The following ZNF469 variants were observed in gnomAD, a reference collection of about 807,000 sequenced individuals.
ZNF469 encodes zinc finger protein 469.
ZNF469 carries 1 observed loss-of-function variant against 1.0 expected under a neutral mutation model. The ratio of observed to expected loss-of-function variants is 1.00; its 90% confidence interval spans 0.35 to 4.73. ZNF469 has a LOEUF of 4.73. ZNF469 is among the 30% of genes most tolerant of loss of function. The pLI is 0.16. For missense variants in ZNF469, 6,100 were observed against 5,356.3 expected (o/e 1.14, Z -4.33); for synonymous variants, 2,703 against 2,363.4 (o/e 1.14, Z -4.17).
chr16:88,322,155 G>A, the ZNF469 span, among the ~76,000 whole-genome samples: 3 of 152,206 alleles, frequency 2.0e-5, no homozygotes, highest in African/African-American at 2.4e-5. Context: ...GACCCTCCCC[G>A]CGGCCTCGGC....
At position 88,432,763 on chromosome 16, in the gene ZNF469, C is replaced by G; in HGVS notation, c.5293C>G (p.Leu1765Val). ...CAGCTCACAAGAAAGTGAAGACTCC[C>G]TGCGGCTGCTTCCCTGTGAACAGAG... ...AASSQESEDS[L>V]RLLPCEQRGG... The change falls in exon 3 of 3, where the codon CTG (leucine) becomes GTG (valine). Residue 1765 changes from leucine to valine, a missense_variant. Coordinates refer to ENST00000565624, the MANE Select transcript of ZNF469 (RefSeq NM_001367624.2). 6.4e-7 allele frequency: 1 copy of G among 1,550,422 alleles called. No homozygotes were observed. The highest frequency in any genetic ancestry group is 8.7e-7 in the Non-Finnish European group (1 of 1,146,988).
chr16:88,310,373 G>T, the ZNF469 span, among the ~76,000 whole-genome samples: 1 of 151,902 alleles, frequency 6.6e-6, no homozygotes, highest in Non-Finnish European at 1.5e-5. Context: ...GCCATGAAAG[G>T]CAGAAATAAG....
chr16:88,116,988 C>T, the ZNF469 span, among the ~76,000 whole-genome samples: 125 of 120,320 alleles, frequency 1.0e-3, no homozygotes, highest in African/African-American at 2.8e-3. Context: ...CACACACACA[C>T]ACACCAGGGC....
At chr16:88,206,827 G>C in the ZNF469 span, among the ~76,000 whole-genome samples, 1 of 86,228 alleles carries the variant, frequency 1.2e-5, no homozygotes, top group Admixed American at 1.2e-4. Flanking sequence ...CGGAGGGGAG[G>C]GGAGGCCGCG....
intron 2 of ZNF469, among the ~76,000 whole-genome samples, chr16:88,425,551 G>A (rs1038522195): frequency 2.0e-5 from 3 of 152,174 alleles, no homozygotes; most frequent in African/African-American, 7.2e-5. Context: ...CTGAGGCCTT[G>A]AGCGGGTTCC....
the ZNF469 span, among the ~76,000 whole-genome samples, chr16:88,293,523 G>A: frequency 6.6e-6 from 1 of 152,120 alleles, no homozygotes; most frequent in East Asian, 1.9e-4. Context: ...TAGATGAATG[G>A]GTGGACTTAT....
rs749980410 is a variant in ZNF469, at chr16:88,435,936, G to A, written c.8466G>A (p.Pro2822=). The A allele has an allele frequency of 1.4e-5, 22 of 1,549,990 alleles. 1 individual carries two copies. Among genetic ancestry groups the A allele is most frequent in the South Asian group, 7.1e-5 (6 of 84,058 alleles). ...CCAGCAGCTGCCTCCAGGGCCTCCC[G>A]GACAACCCAGACACCCAGGGTGGAG... ...STTSSCLQGL[P]DNPDTQGGVQ... The change falls in exon 3 of 3, where the codon CCG becomes CCA. Residue 2822 remains proline (P), a synonymous_variant. Transcript: ENST00000565624.
In ZNF469 at chr16:88,429,280, A is replaced by C. The variant is rs1330550097; in HGVS notation, c.1810A>C (p.Thr604Pro). The change falls in exon 3 of 3, where the codon ACC (threonine) becomes CCC (proline). Residue 604 changes from threonine to proline, a missense_variant. By Grantham distance (38) the Thr-to-Pro change is conservative. Transcript: ENST00000565624. The stretch of plus-strand genomic sequence containing the variant: ...ACCGGCCACCAACACGGCCGGCAGC[A>C]CCTGCTCTTCCCTGTCGCCGATGTC... ...PSPATNTAGS[T>P]CSSLSPMSSS... 1 of 1,549,660 alleles carries C rather than the reference A, an allele frequency of 6.5e-7. No individual in the cohort carries two copies. The highest frequency in any genetic ancestry group is 8.7e-7 in the Non-Finnish European group (1 of 1,146,822).
chr16:88,155,152 G>A, the ZNF469 span, among the ~76,000 whole-genome samples: 3 of 152,212 alleles, frequency 2.0e-5, no homozygotes, highest in Admixed American at 1.3e-4. Context: ...GCAGAGCTGG[G>A]GACACAGACA....
chr16:88,247,408 G>A, the ZNF469 span, among the ~76,000 whole-genome samples: 2 of 149,872 alleles, frequency 1.3e-5, no homozygotes, highest in South Asian at 4.3e-4. Context: ...AAATAAGTGA[G>A]TGAGTGAATA....
the ZNF469 span, among the ~76,000 whole-genome samples, chr16:88,325,127 G>A: frequency 6.7e-6 from 1 of 149,084 alleles, no homozygotes; most frequent in East Asian, 2.0e-4. Flanking sequence ...GTCCTCACCT[G>A]CACACTCCAG....
chr16:88,120,613 G>T, the ZNF469 span, among the ~76,000 whole-genome samples: 1 of 152,194 alleles, frequency 6.6e-6, no homozygotes, highest in African/African-American at 2.4e-5. Context: ...GGACGGAGCC[G>T]CCCTGTCCAC....
the ZNF469 span, among the ~76,000 whole-genome samples, chr16:88,253,751 G>T: frequency 1.3e-5 from 2 of 152,080 alleles, no homozygotes; most frequent in African/African-American, 4.8e-5. Context: ...GCTGGCCAGG[G>T]TAGTCTCGAA....
At chr16:88,213,261 G>A in the ZNF469 span, among the ~76,000 whole-genome samples, 4 of 152,198 alleles carry the variant, frequency 2.6e-5, no homozygotes, top group Middle Eastern at 0.014. Flanking sequence ...ACCACGCCCA[G>A]CTAATGTTTT....
chr16:88,122,671 G>T, the ZNF469 span, among the ~76,000 whole-genome samples: 1 of 152,060 alleles, frequency 6.6e-6, no homozygotes, highest in East Asian at 1.9e-4. Context: ...AACACAGTCA[G>T]TTTGGTCAGG....
At position 88,438,030 on chromosome 16, in the gene ZNF469, C is replaced by T. The variant is rs1413238535; in HGVS notation, c.10560C>T (p.Thr3520=). 3 of 1,550,130 alleles carry T rather than the reference C, an allele frequency of 1.9e-6. No individual in the cohort carries two copies. The highest frequency in any genetic ancestry group is 2.6e-6 in the Non-Finnish European group (3 of 1,146,936). Residue 3520 remains threonine, a synonymous_variant, in exon 3 of 3, where the codon ACC becomes ACT. Coordinates refer to ENST00000565624, the MANE Select transcript of ZNF469 (RefSeq NM_001367624.2). ...GTTCGGAGGTGGCTCCCAGCACCACCAAGGGATGGCCCGAGACCCTAGAGA... is the reference window on the plus strand; with the variant it reads ...GTTCGGAGGTGGCTCCCAGCACCACTAAGGGATGGCCCGAGACCCTAGAGA... ...HLCSEVAPST[T]KGWPETLERP...
chr16:88,195,773 T>G, the ZNF469 span, among the ~76,000 whole-genome samples: 1 of 152,206 alleles, frequency 6.6e-6, no homozygotes, highest in African/African-American at 2.4e-5. Flanking sequence ...AAAGGTCCCA[T>G]GAGTCTCTCA....
At chr16:88,409,803 G>A (rs1319392874) in intron 1 of ZNF469, among the ~76,000 whole-genome samples, 5 of 143,202 alleles carry the variant, frequency 3.5e-5, no homozygotes, top group African/African-American at 1.0e-4. Context: ...AGTGATCAGA[G>A]GTCCTCGCTC....
chr16:88,353,407 C>T, the ZNF469 span, among the ~76,000 whole-genome samples: 1 of 152,174 alleles, frequency 6.6e-6, no homozygotes, highest in Non-Finnish European at 1.5e-5. Context: ...ACCCGGCGCC[C>T]ACCTCCGCTT....
Sources: gnomAD v4.1 joint callset for allele counts (sites outside exome capture counted in the v4.1 genomes callset) on GRCh38, gnomAD v4.1.1 for gene constraint, MANE v1.5 for transcripts, NCBI Gene and HGNC (gene_info 2026-07-23, HGNC 2026-07-21) for gene names.